FCRLB: variants seen among roughly 807,000 people sequenced by gnomAD.
FCRLB encodes the protein Fc receptor like B.
Under a neutral mutation model 33.6 loss-of-function variants are expected in FCRLB, and 34 were observed. The ratio of observed to expected loss-of-function variants is 1.01; its 90% CI spans 0.77 to 1.35. The LOEUF is 1.35. FCRLB is among the 40% of genes most tolerant of loss of function. The pLI is 0.00. For synonymous variants in FCRLB, 280 were observed against 255.9 expected (o/e 1.09, Z -0.90); for missense variants, 560 against 580.2 (o/e 0.97, Z 0.36).
chr1:161,728,117 C>A (rs543393843), exon 8 of FCRLB: 1 of 153,466 alleles, frequency 6.5e-6, no homozygotes, highest in South Asian at 2.0e-4. Flanking sequence ...GAGTTTACAT[C>A]TTCAAATAAA....
At chr1:161,724,867 G>T (rs913788595) in intron 5 of FCRLB, among the ~76,000 whole-genome samples, 1 of 152,140 alleles carries the variant, frequency 6.6e-6, no homozygotes, top group Non-Finnish European at 1.5e-5. Context: ...GATACCTAAG[G>T]CTCTCCTGGG....
chr1:161,723,219 C>G (rs1683431466), intron 4 of FCRLB, 148 bp from the exon 5 acceptor site: 1 of 1,093,674 alleles, frequency 9.1e-7, no homozygotes, highest in African/African-American at 1.6e-5. Context: ...TGAATGTGAT[C>G]TCCTCTCCTG....
At chr1:161,723,565 G>A (rs759544448) in exon 5 of FCRLB, 12 of 1,614,048 alleles carry the variant, frequency 7.4e-6, no homozygotes, top group East Asian at 2.2e-5. Context: ...GGGGTGTATC[G>A]ATGCCAGACA....
chr1:161,725,719 G>A, intron 5 of FCRLB, 102 bp from the exon 6 acceptor site: 1 of 1,350,604 alleles, frequency 7.4e-7, no homozygotes. Flanking sequence ...GGGGAAGGGA[G>A]GGAGAGGAGT....
intron 5 of FCRLB, among the ~76,000 whole-genome samples, chr1:161,725,206 G>A (rs1683500330): frequency 6.6e-6 from 1 of 152,176 alleles, no homozygotes; most frequent in Non-Finnish European, 1.5e-5. Context: ...CCCTTTGAGG[G>A]TGGAGCCAAG....
At chr1:161,723,506 C>T in exon 5 of FCRLB, 2 of 1,614,184 alleles carry the variant, frequency 1.2e-6, no homozygotes, top group African/African-American at 1.3e-5. Context: ...GGTATTTGGG[C>T]CACCTACTTC....
intron 4 of FCRLB, 66 bp downstream of exon 4, chr1:161,723,075 T>C: frequency 6.3e-7 from 1 of 1,584,530 alleles, no homozygotes; most frequent in Non-Finnish European, 8.7e-7. Flanking sequence ...AAGTGACCTT[T>C]TCAAGTAGAC....
intron 5 of FCRLB, among the ~76,000 whole-genome samples, chr1:161,723,867 CTGTT>C (rs1557931784): frequency 6.6e-6 from 1 of 152,196 alleles, no homozygotes; most frequent in Non-Finnish European, 1.5e-5. Flanking sequence ...GTGAACATTT[CTGTT>C]TGTTTCTGAG....
Position 161,727,227 on chromosome 1 carries a change from T to C in FCRLB, c.866-20T>C. ...AAGAACCATGCAAGCCGCGCGTGAC[T>C]GGGCGTAATGCATTCACAGGTTCTC... On this transcript the variant is annotated intron_variant, in intron 7 of 7. Transcript: ENST00000367948. 2 of 1,499,750 alleles carry C rather than the reference T, an allele frequency of 1.3e-6. No individual in the cohort carries two copies. The highest frequency in any genetic ancestry group is 1.2e-5 in the South Asian group (1 of 85,084). 92.9% of individuals were successfully genotyped at this position (1,499,750 alleles called of 1,614,324 possible).
At chr1:161,723,659 T>C (rs753125316) in intron 5 of FCRLB, 38 bp downstream of exon 5, 19 of 1,595,882 alleles carry the variant, frequency 1.2e-5, no homozygotes, top group African/African-American at 1.3e-5. Context: ...GGAGCACGTG[T>C]CTCCTCTGGC....
chr1:161,723,063 CT>C (rs1276698137), intron 4 of FCRLB, 54 bp downstream of exon 4: 10 of 1,604,860 alleles, frequency 6.2e-6, no homozygotes, highest in African/African-American at 1.3e-5. Flanking sequence ...CTCCAACCCC[CT>C]AAGTGACCTT....
exon 5 of FCRLB, chr1:161,723,513 C>T (rs1254843080): frequency 2.5e-6 from 4 of 1,614,230 alleles, no homozygotes; most frequent in Middle Eastern, 1.6e-4. Flanking sequence ...GGGCCACCTA[C>T]TTCTGCCCTC....
chr1:161,722,933 C>T, intron 3 of FCRLB, 56 bp from the exon 4 acceptor site: 3 of 1,609,334 alleles, frequency 1.9e-6, no homozygotes, highest in Non-Finnish European at 2.5e-6. Flanking sequence ...GAGTCTCTCT[C>T]CTCTCATCGC....
At chr1:161,724,340 A>C (rs767211891) in intron 5 of FCRLB, among the ~76,000 whole-genome samples, 1 of 151,512 alleles carries the variant, frequency 6.6e-6, no homozygotes, top group Non-Finnish European at 1.5e-5. Context: ...CTGTGATCCC[A>C]GCACTTTGGG....
intron 3 of FCRLB, 79 bp from the exon 4 acceptor site, chr1:161,722,910 T>C: frequency 6.3e-7 from 1 of 1,597,236 alleles, no homozygotes; most frequent in Non-Finnish European, 8.6e-7. Flanking sequence ...CATTCAGCCT[T>C]TCTTGTCGTC....
rs772517784 is a variant in FCRLB at position 161,723,361 on chromosome 1, C to T, written c.53-6C>T. 4 of 1,613,526 alleles carry T rather than the reference C, an allele frequency of 2.5e-6. No homozygotes were observed. In the South Asian group the frequency reaches 3.3e-5, roughly 13 times the overall value. ...CTGCCCCCTCTCACCCCACTCCCCA[C>T]CCCAGCTACTCTGGAGAAGCCCATA... On this transcript the variant is annotated splice_region_variant and splice_polypyrimidine_tract_variant and intron_variant, in intron 4 of 7. Transcript: ENST00000367948.
At chr1:161,725,823 T>G in exon 6 of FCRLB, 3 of 1,603,524 alleles carry the variant, frequency 1.9e-6, no homozygotes, top group Non-Finnish European at 2.6e-6. Context: ...TGTCGCAGAT[T>G]GGCTGATTCT....
At chr1:161,725,779 G>A (rs757494031) in intron 5 of FCRLB, 42 bp from the exon 6 acceptor site, 36 of 1,558,320 alleles carry the variant, frequency 2.3e-5, no homozygotes, top group Non-Finnish European at 2.8e-5. Context: ...TCCAGGGCTG[G>A]ACTTTCTGTG....
Position 161,725,988 on chromosome 1 carries a change from C to T in FCRLB, c.475C>T (p.Arg159Cys), listed in dbSNP as rs548692484. 171 of 1,614,116 alleles carry T rather than the reference C, an allele frequency of 1.1e-4. No individual in the cohort carries two copies. Among genetic ancestry groups the T allele is most frequent in the Non-Finnish European group, 1.4e-4 (164 of 1,180,034 alleles). The stretch of plus-strand genomic sequence containing the variant: ...CGCCAACTACACTGTGTTACAGGCG[C>T]GTGCCAGCGACAGCGGGCGCTACCA... The change falls in exon 6 of 8, where the codon CGT becomes TGT. Residue 159 changes from arginine to cysteine, a missense_variant. Transcript: ENST00000367948.
Sources: allele counts gnomAD v4.1 joint callset (sites outside exome capture counted in the v4.1 genomes callset), GRCh38; gene constraint gnomAD v4.1.1; transcripts MANE v1.5; gene names NCBI Gene and HGNC (gene_info 2026-07-23, HGNC 2026-07-21).